The following MOB3A variants were observed in gnomAD, a reference collection of about 807,000 sequenced individuals.
The protein encoded by MOB3A is MOB LAK.
MOB3A carries 17 observed loss-of-function variants against 17.8 expected under a neutral mutation model. That is an observed-to-expected ratio of 0.95 (90% CI 0.65 to 1.43). The LOEUF (loss-of-function observed/expected upper bound fraction) is 1.43. MOB3A is among the 40% of genes most tolerant of loss of function. The pLI, the probability that MOB3A is intolerant of heterozygous loss-of-function variation, is 0.00. For missense variants in MOB3A, 333 were observed against 310.8 expected (o/e 1.07, Z -0.54); for synonymous variants, 124 against 133.2 (o/e 0.93, Z 0.48).
intron 4 of MOB3A, among the ~76,000 whole-genome samples, chr19:2,076,228 C>T (rs55796884): frequency 0.091 from 13,758 of 150,932 alleles, 1,104 homozygotes; most frequent in East Asian, 0.32. Context: ...GGAGATCCAT[C>T]GAGACAATCC....
intron 4 of MOB3A, among the ~76,000 whole-genome samples, chr19:2,074,109 T>A (rs913414035): frequency 4.0e-5 from 6 of 151,674 alleles, no homozygotes; most frequent in Admixed American, 2.0e-4. Flanking sequence ...CTGGCTAACA[T>A]GGTGAAACCC....
rs376670083 is a variant in MOB3A at position 2,083,141 on chromosome 19, C to T, written c.-120+2034G>A. Reference sequence around the variant, plus strand: ...AGATCACTGGCGTGAGCCACTGTGCCTGGCCACCCCTGCCTGCTTCCCAAG... The same window carrying T: ...AGATCACTGGCGTGAGCCACTGTGCTTGGCCACCCCTGCCTGCTTCCCAAG... On this transcript the variant is annotated intron_variant, in intron 2 of 4. Transcript: ENST00000357066. 5.2e-3 allele frequency among the ~76,000 whole-genome samples: 787 copies of T among 152,376 alleles called. 11 individuals are homozygous for T. Among genetic ancestry groups the T allele is most frequent in the African/African-American group, 0.018 (758 of 41,590 alleles).
chr19:2,083,826 C>A (rs974754529), intron 2 of MOB3A, among the ~76,000 whole-genome samples: 2 of 152,242 alleles, frequency 1.3e-5, no homozygotes, highest in African/African-American at 2.4e-5. Flanking sequence ...GCAGGCGGGG[C>A]CTTCCAGCAG....
rs370153034 is a variant in MOB3A at position 2,087,422 on chromosome 19, G to A, written c.-273-2094C>T. Among the ~76,000 whole-genome samples, 26 of 152,312 alleles carry A rather than the reference G, an allele frequency of 1.7e-4. No individual in the cohort carries two copies. The East Asian group carries it at 5.0e-3, about 29-fold the overall frequency. On this transcript the variant is annotated intron_variant, in intron 1 of 4. Transcript: ENST00000357066. ...AATCCTGGCACTTTGGGAGGCCAAG[G>A]CAGGAGGACTGCTTGAGGCCAGGAG... is the stretch of plus-strand genomic sequence containing the variant.
At position 2,072,985 on chromosome 19, in the gene MOB3A, C is replaced by T. The variant is rs1366256091; in HGVS notation, c.*410G>A. 2 of 206,052 alleles carry T rather than the reference C, an allele frequency of 9.7e-6. No individual in the cohort carries two copies. Among genetic ancestry groups the T allele is most frequent in the African/African-American group, 4.6e-5 (2 of 43,266 alleles). 12.8% of individuals were successfully genotyped at this position (206,052 alleles called of 1,614,324 possible). A position where few individuals can be genotyped will look rare whatever the true frequency, so the allele number is the denominator to read the frequency against. Reference sequence around the variant, plus strand: ...AGCTGGGTGCCCTTGAGAGACAGGCCCAGGCAGGGCTGTGGCCACAGCAGC... The same window carrying T: ...AGCTGGGTGCCCTTGAGAGACAGGCTCAGGCAGGGCTGTGGCCACAGCAGC... On this transcript the variant is annotated 3_prime_UTR_variant, in exon 5 of 5. Transcript: ENST00000357066.
chr19:2,083,181 G>T (rs970966842), intron 2 of MOB3A, among the ~76,000 whole-genome samples: 4 of 152,094 alleles, frequency 2.6e-5, no homozygotes, highest in Admixed American at 2.0e-4. Context: ...GAGTAATCCC[G>T]CAGCCCAGCC....
At chr19:2,095,548 T>TG (rs755764911) in intron 1 of MOB3A, among the ~76,000 whole-genome samples, 45 of 152,164 alleles carry the variant, frequency 3.0e-4, no homozygotes, top group Non-Finnish European at 5.4e-4. Flanking sequence ...TGCGGGGTCC[T>TG]GCGGGAGGGC....
intron 3 of MOB3A, among the ~76,000 whole-genome samples, chr19:2,077,909 G>A (rs552140700): frequency 5.3e-5 from 8 of 151,840 alleles, no homozygotes; most frequent in Admixed American, 2.0e-4. Context: ...TTAGCCTCCC[G>A]AGTAGCTGCG....
intron 2 of MOB3A, among the ~76,000 whole-genome samples, chr19:2,080,062 G>C (rs73916844): frequency 2.6e-4 from 39 of 152,222 alleles, no homozygotes; most frequent in Non-Finnish European, 2.9e-4. Context: ...CGCAGGGCCT[G>C]TCACCGCCAA....
chr19:2,091,478 G>A (rs540422128), intron 1 of MOB3A, among the ~76,000 whole-genome samples: 1 of 151,948 alleles, frequency 6.6e-6, no homozygotes, highest in South Asian at 2.1e-4. Context: ...CTGCCTCCCG[G>A]GCTCAAGCAA....
In MOB3A at chr19:2,078,522, G is replaced by T; in HGVS notation, c.39C>A (p.Asp13Glu). 1 of 1,593,846 alleles carries T rather than the reference G, an allele frequency of 6.3e-7. No homozygotes were observed. Among genetic ancestry groups the T allele is most frequent in the Non-Finnish European group, 8.6e-7 (1 of 1,166,564 alleles). The change falls in exon 3 of 5, where the codon GAC becomes GAA. Residue 13 changes from aspartate to glutamate, a missense_variant. Physicochemically the swap from Asp to Glu is conservative, Grantham distance 45 (BLOSUM62 2). Transcript: ENST00000357066. ...NPFLKQVFNKDKTFRPKRKFE... is the reference protein window; with the variant it reads ...NPFLKQVFNKEKTFRPKRKFE... ...ACTTGCGCTTGGGGCGGAATGTCTT[G>T]TCCTTGTTGAAGACTTGCTTCAGGA...
intron 4 of MOB3A, among the ~76,000 whole-genome samples, chr19:2,076,600 G>T (rs945120996): frequency 6.6e-6 from 1 of 152,190 alleles, no homozygotes; most frequent in African/African-American, 2.4e-5. Flanking sequence ...TGCACCTGTC[G>T]CCGGCATTTG....
intron 3 of MOB3A, among the ~76,000 whole-genome samples, chr19:2,077,455 C>T (rs943249554): frequency 6.6e-6 from 1 of 152,014 alleles, no homozygotes; most frequent in Non-Finnish European, 1.5e-5. Flanking sequence ...TCTGGAGGGA[C>T]GTGCCCTAAT....
rs1450595615 is a variant in MOB3A at position 2,082,012 on chromosome 19, TG to T, written c.-120+3162del. ...CTGGTGAGGACCGGCTGGGGGACAC[TG>T]CTCAGGGCAGCCTGGGCACAGGTGG... On this transcript the variant is annotated intron_variant, in intron 2 of 4. Transcript: ENST00000357066. This position sits in a 1 kb window ranked among gnomAD's most constrained non-coding sequence, Gnocchi z 4.1. Among the ~76,000 whole-genome samples, 2 of 152,136 alleles carry T rather than the reference TG, an allele frequency of 1.3e-5. No individual in the cohort carries two copies. Among genetic ancestry groups the T allele is most frequent in the East Asian group, 3.9e-4 (2 of 5,182 alleles).
intron 2 of MOB3A, among the ~76,000 whole-genome samples, chr19:2,081,620 C>T (rs530260001): frequency 6.7e-5 from 10 of 148,268 alleles, no homozygotes; most frequent in East Asian, 6.1e-4. Context: ...GCGCGGTGGC[C>T]CACGCCTGTA....
rs1263743004 is a variant in MOB3A, at chr19:2,082,959, C to T, written c.-120+2216G>A. Among the ~76,000 whole-genome samples the T allele has an allele frequency of 3.3e-5, 5 of 152,150 alleles. No homozygotes were observed. Among genetic ancestry groups the T allele is most frequent in the Admixed American group, 3.3e-4 (5 of 15,280 alleles). Reference sequence around the variant, plus strand: ...TCCTGAGTAGCTGGGACCACGGGCACTCACTGCCATAATTTTTTATAATTT... The same window carrying T: ...TCCTGAGTAGCTGGGACCACGGGCATTCACTGCCATAATTTTTTATAATTT... On this transcript the variant is annotated intron_variant, in intron 2 of 4. Transcript: ENST00000357066. This position sits in a 1 kb window ranked among gnomAD's most constrained non-coding sequence, Gnocchi z 4.1.
Position 2,080,927 on chromosome 19 carries a change from G to A in MOB3A, c.-119-2248C>T, listed in dbSNP as rs560914705. Among the ~76,000 whole-genome samples, 59 of 152,252 alleles carry A rather than the reference G, an allele frequency of 3.9e-4. No individual in the cohort carries two copies. The South Asian group carries it at 6.6e-3, about 17-fold the overall frequency. On this transcript the variant is annotated intron_variant, in intron 2 of 4. Transcript: ENST00000357066. Reference sequence around the variant, plus strand: ...AGGGTGAGGTAGGTAGATGGCTTGCGTCCAGGAGTTTGAGGTCAGCCTGAG... The same window carrying A: ...AGGGTGAGGTAGGTAGATGGCTTGCATCCAGGAGTTTGAGGTCAGCCTGAG...
intron 1 of MOB3A, 140 bp downstream of exon 1, chr19:2,096,085 GC>G (rs202096616): frequency 6.6e-6 from 1 of 150,852 alleles, no homozygotes; most frequent in Non-Finnish European, 1.5e-5. Flanking sequence ...GCCTAAGTTC[GC>G]CCGTCTGAGG....
At chr19:2,078,754 G>A (rs537163596) in intron 2 of MOB3A, 75 bp from the exon 3 acceptor site, 13 of 566,872 alleles carry the variant, frequency 2.3e-5, no homozygotes, top group Non-Finnish European at 3.3e-5. Flanking sequence ...GGGCACAAGC[G>A]GCAGGATTTT....
Sources: allele counts gnomAD v4.1 joint callset (sites outside exome capture counted in the v4.1 genomes callset), GRCh38; gene constraint gnomAD v4.1.1; non-coding constraint Gnocchi (gnomAD v3.1); transcripts MANE v1.5; gene names NCBI Gene and HGNC (gene_info 2026-07-23, HGNC 2026-07-21).